MAU2: variants seen among roughly 807,000 people sequenced by gnomAD.
The protein encoded by MAU2 is MAU2 chromatid cohesion factor homolog.
Under a neutral mutation model 89.1 loss-of-function variants are expected in MAU2, and 9 were observed. The observed-to-expected ratio is 0.10, with a 90% CI of 0.06 to 0.18. The LOEUF is 0.18. Ranked by LOEUF, MAU2 falls within the 10% of genes least tolerant of loss-of-function variation. The pLI is 1.00. For synonymous variants in MAU2, 357 were observed against 343.4 expected, an observed-to-expected ratio of 1.04 and a Z score of -0.44; for missense variants, 425 against 803.5, an observed-to-expected ratio of 0.53 and a Z score of 5.69.
At chr19:19,333,935 C>T (rs2061576603) in intron 1 of MAU2, among the ~76,000 whole-genome samples, 1 of 152,158 alleles carries the variant, frequency 6.6e-6, no homozygotes, top group Non-Finnish European at 1.5e-5. Context: ...CCCCATGGTG[C>T]CCAAATCAGA....
At chr19:19,354,110 ATT>A in intron 16 of MAU2, 1 of 551,276 alleles carries the variant, frequency 1.8e-6, no homozygotes, top group Non-Finnish European at 3.3e-6. Context: ...AAAGTTGTCC[ATT>A]GGCCATGCCC....
chr19:19,351,615 G>A (rs1251324653), intron 16 of MAU2, among the ~76,000 whole-genome samples: 1 of 151,916 alleles, frequency 6.6e-6, no homozygotes, highest in Non-Finnish European at 1.5e-5. Context: ...AGGAGGTTGA[G>A]GCTGCAGTGA....
intron 1 of MAU2, among the ~76,000 whole-genome samples, chr19:19,329,793 TAAAA>T (rs531975850): frequency 7.1e-6 from 1 of 140,880 alleles, no homozygotes; most frequent in Non-Finnish European, 1.6e-5. Context: ...CCCTGTCTCT[TAAAA>T]AAAAAAAAAA....
Position 19,348,884 on chromosome 19 carries a change from C to G in MAU2, c.1309-5C>G. 6.2e-7 allele frequency: 1 copy of G among 1,613,998 alleles called. No individual in the cohort carries two copies. The highest frequency in any genetic ancestry group is 8.5e-7 in the Non-Finnish European group (1 of 1,179,980). On this transcript the variant is annotated splice_polypyrimidine_tract_variant and splice_region_variant and intron_variant, in intron 13 of 18. Transcript: ENST00000262815. ...AATGGTGCTGACTGGCTCTTTCCCC[C>G]GCAGCTCTACAGTCTGCTGGAGAGG...
chr19:19,334,219 C>T, intron 1 of MAU2: 1 of 985,014 alleles, frequency 1.0e-6, no homozygotes, highest in Non-Finnish European at 1.2e-6. Context: ...CTTCTGACGG[C>T]AGGTGCTGGC....
intron 1 of MAU2, chr19:19,334,180 A>G (rs2146671117): frequency 1.0e-6 from 1 of 985,058 alleles, no homozygotes; most frequent in Non-Finnish European, 1.2e-6. Context: ...CACAGCCTCT[A>G]GCTGAGGAGC....
chr19:19,347,577 C>A, intron 13 of MAU2: 1 of 549,484 alleles, frequency 1.8e-6, no homozygotes. Flanking sequence ...AAAAACATTC[C>A]CATAGCCACA....
intron 1 of MAU2, chr19:19,321,384 C>T (rs1055617413): frequency 6.5e-6 from 3 of 460,126 alleles, no homozygotes; most frequent in Non-Finnish European, 1.1e-5. Flanking sequence ...GCCCCGTCAC[C>T]GTACTCTGAA....
chr19:19,338,773 C>A (rs970404631), intron 4 of MAU2, 72 bp from the exon 5 acceptor site: 2 of 1,158,106 alleles, frequency 1.7e-6, no homozygotes, highest in Non-Finnish European at 2.5e-6. Flanking sequence ...AGTTTGCTAA[C>A]AGAGCACGAA....
chr19:19,341,516 GC>G, intron 7 of MAU2, 109 bp downstream of exon 7: 1 of 1,336,042 alleles, frequency 7.5e-7, no homozygotes, highest in Non-Finnish European at 1.0e-6. Context: ...GCCTTACCTT[GC>G]CACACAACAG....
intron 1 of MAU2, among the ~76,000 whole-genome samples, chr19:19,329,313 TCTCA>T (rs1246401210): frequency 3.3e-5 from 5 of 152,170 alleles, no homozygotes; most frequent in African/African-American, 1.2e-4. Context: ...TTTCCTTCCC[TCTCA>T]CTCTTGAGTC....
intron 6 of MAU2, 51 bp from the exon 7 acceptor site, chr19:19,341,201 G>T: frequency 1.3e-6 from 2 of 1,572,942 alleles, no homozygotes; most frequent in Non-Finnish European, 8.6e-7. Flanking sequence ...CCCGGTCCTG[G>T]GAGGGCCCCT....
chr19:19,327,483 G>A (rs1158487353), intron 1 of MAU2, among the ~76,000 whole-genome samples: 2 of 151,916 alleles, frequency 1.3e-5, no homozygotes, highest in African/African-American at 2.4e-5. Context: ...CTGCCACCAC[G>A]CCCGGCTAAT....
At chr19:19,347,470 G>A (rs894779100) in intron 13 of MAU2, 104 bp downstream of exon 13, 3 of 866,000 alleles carry the variant, frequency 3.5e-6, no homozygotes, top group African/African-American at 1.7e-5. Context: ...AGACCCCAGG[G>A]TGTTCACCTT....
intron 10 of MAU2, chr19:19,344,519 T>C (rs1347580609): frequency 2.4e-6 from 1 of 412,814 alleles, no homozygotes; most frequent in East Asian, 4.1e-5. Context: ...ACAGTGATTG[T>C]TATACCCCAC....
At chr19:19,352,440 C>T (rs1356279202) in intron 16 of MAU2, 5 of 152,218 alleles carry the variant, frequency 3.3e-5, no homozygotes, top group Admixed American at 6.5e-5. Context: ...CAGCTCAGGC[C>T]CTGGTGGGCC....
chr19:19,347,590 A>T (rs1418069012), intron 13 of MAU2: 1 of 519,574 alleles, frequency 1.9e-6, no homozygotes, highest in African/African-American at 1.9e-5. Flanking sequence ...TAGCCACAGA[A>T]CACTTCTCTT....
chr19:19,340,751 T>G, intron 5 of MAU2, 95 bp from the exon 6 acceptor site: 1 of 1,289,170 alleles, frequency 7.8e-7, no homozygotes, highest in Non-Finnish European at 1.1e-6. Flanking sequence ...TCCCCTGAGG[T>G]GGCATATTAG....
rs1304453254 is a variant in MAU2, at chr19:19,343,948, TG to T, written c.1077+10del. 6.2e-7 allele frequency: 1 copy of T among 1,609,812 alleles called. No individual in the cohort carries two copies. Among genetic ancestry groups the T allele is most frequent in the Non-Finnish European group, 8.5e-7 (1 of 1,179,028 alleles). ...GCCACGGCGCTGCAGGAGGTAAGGCTGGAAGCAGGAGGGGCGGGAAGGCCCA... is the reference window on the plus strand; with the variant it reads ...GCCACGGCGCTGCAGGAGGTAAGGCTGAAGCAGGAGGGGCGGGAAGGCCCA... On this transcript the variant is annotated intron_variant, in intron 10 of 18. Coordinates refer to ENST00000262815, the MANE Select transcript of MAU2 (RefSeq NM_015329.4).
Sources: gnomAD v4.1 joint callset for allele counts (sites outside exome capture counted in the v4.1 genomes callset) on GRCh38, gnomAD v4.1.1 for gene constraint, MANE v1.5 for transcripts, NCBI Gene and HGNC (gene_info 2026-07-23, HGNC 2026-07-21) for gene names.